Variants in FRS2 observed in about 807,000 individuals in gnomAD.
FRS2 encodes FGFR signalling adaptor.
A neutral mutation model predicts 43.9 loss-of-function variants in FRS2; 8 were observed. The ratio of observed to expected loss-of-function variants is 0.18; its 90% CI spans 0.11 to 0.33. FRS2 has a LOEUF of 0.33. Among genes scored for constraint, FRS2 ranks in the 10% least tolerant of loss-of-function variants. The pLI is 1.00. For missense variants in FRS2, 534 were observed against 627.6 expected (o/e 0.85, Z 1.59); for synonymous variants, 219 against 220.3 (o/e 0.99, Z 0.05).
rs767915665 is a variant in FRS2, at chr12:69,570,373, A to G, written c.109A>G (p.Ile37Val). 1 of 1,614,044 alleles carries G rather than the reference A, an allele frequency of 6.2e-7. No homozygotes were observed. Among genetic ancestry groups the G allele is most frequent in the Admixed American group, 1.7e-5 (1 of 60,028 alleles). Reference protein sequence around the residue: ...DDDGNELGSGIMELTDTELIL... With the variant: ...DDDGNELGSGVMELTDTELIL... Reference sequence around the variant, plus strand: ...TGATGGGAATGAGTTAGGTTCTGGCATAATGGAACTTACAGACACAGAACT... The same window carrying G: ...TGATGGGAATGAGTTAGGTTCTGGCGTAATGGAACTTACAGACACAGAACT... Residue 37 changes from isoleucine (I) to valine (V), a missense_variant, in exon 6 of 9, where the codon ATA becomes GTA. This residue lies in a region of FRS2 where 76 missense variants were observed against 90.5 expected (regional missense o/e 0.84). Coordinates refer to ENST00000549921, the MANE Select transcript of FRS2 (RefSeq NM_001278356.2).
intron 1 of FRS2, among the ~76,000 whole-genome samples, chr12:69,512,336 G>C (rs1352833797): frequency 6.6e-6 from 1 of 152,096 alleles, no homozygotes; most frequent in African/African-American, 2.4e-5. Context: ...GACCTTTTTA[G>C]CTCTGCTTCT....
At chr12:69,520,775 A>T (rs1875557206) in intron 1 of FRS2, among the ~76,000 whole-genome samples, 1 of 151,994 alleles carries the variant, frequency 6.6e-6, no homozygotes, top group Non-Finnish European at 1.5e-5. Context: ...ATTGGTCTGT[A>T]TGCCTGTTTT....
intron 3 of FRS2, among the ~76,000 whole-genome samples, chr12:69,538,234 T>TTA (rs10584446): frequency 0.048 from 4,785 of 99,934 alleles, 139 homozygotes; most frequent in Middle Eastern, 0.067. Context: ...GCATTGCAGA[T>TTA]TATATATATA....
intron 1 of FRS2, among the ~76,000 whole-genome samples, chr12:69,481,307 GTC>G (rs912985483): frequency 6.9e-6 from 1 of 144,762 alleles, no homozygotes; most frequent in Admixed American, 6.9e-5. Flanking sequence ...TTGAGATAAA[GTC>G]TCTTCCTGTT....
At chr12:69,537,456 T>C (rs1877425177) in intron 3 of FRS2, among the ~76,000 whole-genome samples, 1 of 152,200 alleles carries the variant, frequency 6.6e-6, no homozygotes, top group South Asian at 2.1e-4. Flanking sequence ...TCTTGAAAGG[T>C]AGTTTCTCTG....
chr12:69,508,380 A>G (rs1592957844), intron 1 of FRS2, among the ~76,000 whole-genome samples: 1 of 152,340 alleles, frequency 6.6e-6, no homozygotes, highest in East Asian at 1.9e-4. Context: ...TAGAATTGCT[A>G]CATTCCCAAA....
intron 1 of FRS2, among the ~76,000 whole-genome samples, chr12:69,526,707 TAGTC>T (rs540743809): frequency 1.0e-3 from 159 of 151,930 alleles, no homozygotes; most frequent in African/African-American, 3.4e-3. Context: ...ATATTTCAGA[TAGTC>T]AGAAAAGTGT....
At chr12:69,572,728 T>C (rs1301274011) in intron 8 of FRS2, among the ~76,000 whole-genome samples, 1 of 152,256 alleles carries the variant, frequency 6.6e-6, no homozygotes, top group Non-Finnish European at 1.5e-5. Flanking sequence ...TTGGAACCTC[T>C]GTATTAATTA....
At chr12:69,546,621 A>G (rs998943243) in intron 3 of FRS2, among the ~76,000 whole-genome samples, 5 of 151,778 alleles carry the variant, frequency 3.3e-5, no homozygotes, top group Non-Finnish European at 7.4e-5. Context: ...TTGAACTCCT[A>G]TCCTCAAGTT....
intron 3 of FRS2, among the ~76,000 whole-genome samples, chr12:69,555,640 G>A: frequency 6.6e-6 from 1 of 152,128 alleles, no homozygotes. Flanking sequence ...TATACAAAGG[G>A]CTGACTTTTC....
intron 3 of FRS2, among the ~76,000 whole-genome samples, chr12:69,547,402 A>C (rs1472891308): frequency 1.3e-5 from 2 of 152,176 alleles, no homozygotes; most frequent in African/African-American, 4.8e-5. Context: ...TCAAGGCTGC[A>C]GGTGAGCTAT....
At chr12:69,498,499 T>C (rs571999363) in intron 1 of FRS2, among the ~76,000 whole-genome samples, 10 of 133,898 alleles carry the variant, frequency 7.5e-5, no homozygotes, top group African/African-American at 2.6e-4. Context: ...TTGTAAACTT[T>C]CTTAAACCAT....
rs1485017948 is a variant in FRS2 at position 69,579,300 on chromosome 12, T to C, written c.*4345T>C. On this transcript the variant is annotated 3_prime_UTR_variant, in exon 9 of 9. Transcript: ENST00000549921. ...TCATCAGGCATGAAAAGTTTTCTCA[T>C]ATATGATGTAAACTTGCTTTTAAGG... The C allele has an allele frequency of 6.6e-6, 1 of 152,670 alleles. No individual in the cohort carries two copies. Among genetic ancestry groups the C allele is most frequent in the Non-Finnish European group, 1.5e-5 (1 of 68,042 alleles). The allele number at this position is 152,670 out of a possible 1,614,324, so 9.5% of individuals were successfully genotyped here.
chr12:69,570,575 C>G (rs1880666521), intron 6 of FRS2, 58 bp downstream of exon 6: 1 of 1,001,344 alleles, frequency 1.0e-6, no homozygotes, highest in African/African-American at 1.6e-5. Context: ...TTCAGCTATT[C>G]TGTATACAAA....
rs188129030 is a variant in FRS2 at position 69,543,220 on chromosome 12, A to G, written c.-122+11164A>G. 2.6e-4 allele frequency among the ~76,000 whole-genome samples: 39 copies of G among 152,300 alleles called. No homozygotes were observed. The East Asian group carries it at 2.7e-3, about 11-fold the overall frequency. On this transcript the variant is annotated intron_variant, in intron 3 of 8. Coordinates refer to ENST00000549921, the MANE Select transcript of FRS2 (RefSeq NM_001278356.2). ...AGCCCCATTTTTACAAGTCATCTCA[A>G]TAAGTAACTATTAAGTAACATATGT...
chr12:69,556,745 TGG>T (rs1377725046), intron 3 of FRS2, among the ~76,000 whole-genome samples: 7 of 152,244 alleles, frequency 4.6e-5, no homozygotes, highest in Non-Finnish European at 8.8e-5. Flanking sequence ...TTGATGTTTA[TGG>T]TTTGAATAAT....
At chr12:69,508,669 C>G (rs947150870) in intron 1 of FRS2, among the ~76,000 whole-genome samples, 16 of 152,164 alleles carry the variant, frequency 1.1e-4, no homozygotes, top group Admixed American at 9.2e-4. Context: ...AACAGTTCCC[C>G]ATCTCTCTTC....
intron 1 of FRS2, among the ~76,000 whole-genome samples, chr12:69,508,525 C>T (rs1392276753): frequency 6.6e-6 from 1 of 152,202 alleles, no homozygotes; most frequent in Non-Finnish European, 1.5e-5. Context: ...AAAATGTATA[C>T]TCTGTAGACA....
intron 1 of FRS2, among the ~76,000 whole-genome samples, chr12:69,515,722 A>G (rs543743583): frequency 4.6e-5 from 7 of 152,306 alleles, no homozygotes; most frequent in Non-Finnish European, 7.3e-5. Context: ...GGTGGGTTGA[A>G]AAACAATTAA....
Sources: allele counts gnomAD v4.1 joint callset (sites outside exome capture counted in the v4.1 genomes callset), GRCh38; gene constraint gnomAD v4.1.1; regional missense constraint gnomAD v4.1.1; transcripts MANE v1.5; gene names NCBI Gene and HGNC (gene_info 2026-07-23, HGNC 2026-07-21).